NUCB2: variants seen among roughly 807,000 people sequenced by gnomAD.
NUCB2 encodes the protein nucleobindin 2, also known as nucleobindin-2.
A neutral mutation model predicts 57.9 loss-of-function variants in NUCB2; 48 were observed. The ratio of observed to expected loss-of-function variants is 0.83; its 90% confidence interval spans 0.66 to 1.05. NUCB2 has a LOEUF of 1.05. NUCB2 is among the 50% of genes least tolerant of loss of function. The probability of loss-of-function intolerance (pLI) is 0.00; values close to 1 mark genes in which losing one functional copy is unlikely to be tolerated. For missense variants in NUCB2, 442 were observed against 476.2 expected (o/e 0.93, Z 0.67); for synonymous variants, 139 against 152.1 (o/e 0.91, Z 0.64).
At chr11:17,326,738 A>G (rs1166240380) in intron 11 of NUCB2, among the ~76,000 whole-genome samples, 1 of 152,210 alleles carries the variant, frequency 6.6e-6, no homozygotes, top group Non-Finnish European at 1.5e-5. Flanking sequence ...AGAGAAGTTT[A>G]TATACGACAA....
intron 11 of NUCB2, among the ~76,000 whole-genome samples, chr11:17,329,202 C>T (rs1951072720): frequency 6.6e-6 from 1 of 152,156 alleles, no homozygotes; most frequent in Non-Finnish European, 1.5e-5. Context: ...CTCTCCTTTC[C>T]TCAAGAAAGG....
chr11:17,285,739 GTC>G (rs1943598804), intron 2 of NUCB2, among the ~76,000 whole-genome samples: 1 of 107,324 alleles, frequency 9.3e-6, no homozygotes, highest in Non-Finnish European at 1.7e-5. Context: ...GTGAGACTCC[GTC>G]TCAAAAAAAA....
intron 5 of NUCB2, among the ~76,000 whole-genome samples, chr11:17,307,533 A>G (rs1947861927): frequency 6.6e-6 from 1 of 152,214 alleles, no homozygotes; most frequent in African/African-American, 2.4e-5. Flanking sequence ...GCAAAAGGAA[A>G]TACACATTTT....
chr11:17,323,568 G>A (rs1368706408), intron 11 of NUCB2, among the ~76,000 whole-genome samples: 3 of 152,170 alleles, frequency 2.0e-5, no homozygotes, highest in Admixed American at 2.0e-4. Context: ...TTGGTATCAG[G>A]GTAGTACGAG....
rs1951464679 is a variant in NUCB2 at position 17,332,152 on chromosome 11, C to T, written c.*733C>T. ...TCCTATCTTTCTGCTCTGCTATCCT[C>T]AGTGCATGATTTTTATCCTCAGATT... On this transcript the variant is annotated 3_prime_UTR_variant, in exon 14 of 14. Transcript: ENST00000529010. 1.3e-5 allele frequency: 2 copies of T among 152,258 alleles called. No individual in the cohort carries two copies. Among genetic ancestry groups the T allele is most frequent in the Admixed American group, 1.3e-4 (2 of 15,292 alleles). The allele number at this position is 152,258 out of a possible 1,614,324, so 9.4% of individuals were successfully genotyped here. A position where few individuals can be genotyped will look rare whatever the true frequency, so the allele number is the denominator to read the frequency against.
intron 2 of NUCB2, among the ~76,000 whole-genome samples, chr11:17,348,977 A>C (rs568069022): frequency 6.6e-6 from 1 of 152,084 alleles, no homozygotes; most frequent in East Asian, 1.9e-4. Flanking sequence ...ACAGGGTTTC[A>C]CCATGTTGGC....
In NUCB2 at chr11:17,330,352, A is replaced by C; in HGVS notation, c.1173+55A>C. ...AAAAAGATTTTAGGTGCTTTGTTAAAAGCCTGTGTTTTTGTAACATATTTC... is the reference window on the plus strand; with the variant it reads ...AAAAAGATTTTAGGTGCTTTGTTAACAGCCTGTGTTTTTGTAACATATTTC... On this transcript the variant is annotated intron_variant, in intron 12 of 13. Coordinates refer to ENST00000529010, the MANE Select transcript of NUCB2 (RefSeq NM_005013.4). The surrounding 1 kb of genome is among the most constrained non-coding windows in gnomAD (Gnocchi z 4.3). 1.5e-6 allele frequency: 2 copies of C among 1,370,882 alleles called. No individual in the cohort carries two copies. The highest frequency in any genetic ancestry group is 2.0e-6 in the Non-Finnish European group (2 of 988,756). 84.9% of individuals were successfully genotyped at this position (1,370,882 alleles called of 1,614,324 possible).
intron 6 of NUCB2, 96 bp downstream of exon 6, chr11:17,309,771 T>C (rs1023986992): frequency 8.2e-6 from 6 of 733,954 alleles, no homozygotes; most frequent in African/African-American, 1.8e-5. Flanking sequence ...AACTTTTATA[T>C]ATTCTGTAGA....
At chr11:17,291,630 T>C (rs947204856) in intron 2 of NUCB2, among the ~76,000 whole-genome samples, 1 of 151,140 alleles carries the variant, frequency 6.6e-6, no homozygotes, top group African/African-American at 2.4e-5. Flanking sequence ...TCACAATTCA[T>C]TGTCCTCTTT....
chr11:17,345,587 A>G (rs1430114033), intron 2 of NUCB2, among the ~76,000 whole-genome samples: 4 of 152,032 alleles, frequency 2.6e-5, no homozygotes, highest in East Asian at 3.9e-4. Context: ...GGCGCCTGTA[A>G]TCCCAGCTAC....
At chr11:17,321,977 TATATTCTAGTTATTA>T (rs1247407530) in intron 11 of NUCB2, among the ~76,000 whole-genome samples, 1 of 152,180 alleles carries the variant, frequency 6.6e-6, no homozygotes, top group Non-Finnish European at 1.5e-5. Flanking sequence ...GAACCCCTTA[TATATTCTAGTTATTA>T]ATCCCTTGTC....
chr11:17,288,220 TAAAA>T (rs1282545329), intron 2 of NUCB2, among the ~76,000 whole-genome samples: 3 of 152,220 alleles, frequency 2.0e-5, no homozygotes, highest in Non-Finnish European at 4.4e-5. Context: ...ATGATATGCC[TAAAA>T]ATACTTTCAG....
intron 2 of NUCB2, among the ~76,000 whole-genome samples, chr11:17,345,509 C>G (rs1248049423): frequency 6.6e-6 from 1 of 152,108 alleles, no homozygotes; most frequent in Non-Finnish European, 1.5e-5. Context: ...GTGTTAAAGA[C>G]CAGCCTGGCC....
chr11:17,316,581 A>C (rs1346117135), intron 11 of NUCB2, among the ~76,000 whole-genome samples: 2 of 152,142 alleles, frequency 1.3e-5, no homozygotes, highest in African/African-American at 4.8e-5. Context: ...AACTCCCAGG[A>C]ATAGAACTAT....
At chr11:17,279,469 A>G (rs972513167) in intron 1 of NUCB2, among the ~76,000 whole-genome samples, 7 of 152,310 alleles carry the variant, frequency 4.6e-5, no homozygotes, top group African/African-American at 1.7e-4. Flanking sequence ...GATATGTTCC[A>G]AGGGTCCCAA....
chr11:17,321,650 T>C (rs1950034111), intron 11 of NUCB2, among the ~76,000 whole-genome samples: 1 of 152,184 alleles, frequency 6.6e-6, no homozygotes, highest in Admixed American at 6.5e-5. Context: ...GTTAACTCTA[T>C]TTTTAATTTT....
intron 5 of NUCB2, among the ~76,000 whole-genome samples, chr11:17,302,095 C>G (rs1257169735): frequency 6.6e-6 from 1 of 151,906 alleles, no homozygotes; most frequent in Non-Finnish European, 1.5e-5. Flanking sequence ...CAGGGTTTTG[C>G]TGTGTTGCCC....
intron 11 of NUCB2, among the ~76,000 whole-genome samples, chr11:17,326,124 C>G (rs1012711058): frequency 6.6e-6 from 1 of 151,672 alleles, no homozygotes; most frequent in African/African-American, 2.4e-5. Context: ...CCTCAGCCTC[C>G]CAAATAGCTG....
At chr11:17,324,828 G>C (rs1233652509) in intron 11 of NUCB2, among the ~76,000 whole-genome samples, 1 of 150,562 alleles carries the variant, frequency 6.6e-6, no homozygotes, top group African/African-American at 2.5e-5. Context: ...TTGAGACAGA[G>C]CCTCACTCTG....
Sources: allele counts gnomAD v4.1 joint callset (sites outside exome capture counted in the v4.1 genomes callset), GRCh38; gene constraint gnomAD v4.1.1; non-coding constraint Gnocchi (gnomAD v3.1); transcripts MANE v1.5; gene names NCBI Gene and HGNC (gene_info 2026-07-23, HGNC 2026-07-21).